The following CAMK1D variants were observed in gnomAD, a reference collection of about 807,000 sequenced individuals.
The protein encoded by CAMK1D is calcium/calmodulin dependent protein kinase ID.
A neutral mutation model predicts 47.7 loss-of-function variants in CAMK1D; 9 were observed. The ratio of observed to expected loss-of-function variants is 0.19; its 90% CI spans 0.11 to 0.33. The LOEUF is 0.33. CAMK1D is among the 10% of genes least tolerant of loss of function. CAMK1D has a pLI of 1.00. For synonymous variants in CAMK1D, 184 were observed against 184.9 expected (o/e 0.99, Z 0.04); for missense variants, 291 against 488.7 (o/e 0.60, Z 3.81).
intron 1 of CAMK1D, among the ~76,000 whole-genome samples, chr10:12,459,236 A>G (rs1382621632): frequency 3.3e-5 from 5 of 152,152 alleles, no homozygotes; most frequent in Non-Finnish European, 5.9e-5. Context: ...AATAAAAAAA[A>G]CCACGTTATG....
At chr10:12,783,148 G>A (rs1189319958) in intron 5 of CAMK1D, among the ~76,000 whole-genome samples, 6 of 151,932 alleles carry the variant, frequency 3.9e-5, no homozygotes, top group East Asian at 3.9e-4. Context: ...ATGCACCACC[G>A]CGCCTGGCTA....
chr10:12,784,824 A>C (rs535640198), intron 5 of CAMK1D, among the ~76,000 whole-genome samples: 1 of 152,312 alleles, frequency 6.6e-6, no homozygotes, highest in East Asian at 1.9e-4. Flanking sequence ...CACAGAAATA[A>C]TGGTGTGTGG....
intron 2 of CAMK1D, among the ~76,000 whole-genome samples, chr10:12,574,315 T>C (rs571010112): frequency 3.9e-5 from 6 of 152,048 alleles, no homozygotes; most frequent in African/African-American, 1.2e-4. Context: ...GTCCTTTTTT[T>C]TTTTGAGTTG....
At chr10:12,568,333 TC>T (rs1402070233) in intron 2 of CAMK1D, among the ~76,000 whole-genome samples, 1 of 2,948 alleles carries the variant, frequency 3.4e-4, no homozygotes, top group African/African-American at 1.8e-3. Flanking sequence ...TCCCCACCCC[TC>T]CCCCCTCCTC....
intron 1 of CAMK1D, among the ~76,000 whole-genome samples, chr10:12,452,662 T>A (rs1022295242): frequency 6.6e-6 from 1 of 152,066 alleles, no homozygotes; most frequent in African/African-American, 2.4e-5. Context: ...CTTGACTCAC[T>A]GCAACCTCCG....
chr10:12,522,176 TATATG>T (rs1269371203), intron 1 of CAMK1D, among the ~76,000 whole-genome samples: 5 of 147,104 alleles, frequency 3.4e-5, no homozygotes, highest in East Asian at 2.0e-4. Context: ...TCTTTTGTGT[TATATG>T]ATATATTTCC....
intron 3 of CAMK1D, among the ~76,000 whole-genome samples, chr10:12,700,978 C>T (rs975569520): frequency 6.6e-6 from 1 of 152,166 alleles, no homozygotes; most frequent in Non-Finnish European, 1.5e-5. Context: ...CCTTTCCAGT[C>T]TAAAGGTCAG....
intron 3 of CAMK1D, among the ~76,000 whole-genome samples, chr10:12,667,407 G>A (rs914589762): frequency 2.0e-5 from 3 of 152,182 alleles, no homozygotes; most frequent in Admixed American, 6.5e-5. Context: ...TACCAAAAGA[G>A]GGAAGAAATC....
chr10:12,635,123 A>C (rs1839477734), intron 2 of CAMK1D, among the ~76,000 whole-genome samples: 1 of 152,050 alleles, frequency 6.6e-6, no homozygotes, highest in Non-Finnish European at 1.5e-5. Context: ...GCTGTGGGGA[A>C]CATGAGAGAG....
chr10:12,625,793 A>G (rs2132453167), intron 2 of CAMK1D, among the ~76,000 whole-genome samples: 1 of 152,168 alleles, frequency 6.6e-6, no homozygotes, highest in Admixed American at 6.5e-5. Context: ...AAGTTTTAAA[A>G]GATTCGTGAA....
At chr10:12,753,175 C>T (rs1302104102) in intron 3 of CAMK1D, among the ~76,000 whole-genome samples, 1 of 152,184 alleles carries the variant, frequency 6.6e-6, no homozygotes, top group South Asian at 2.1e-4. Context: ...TCACTTGAAC[C>T]TGGGAGGCAG....
At chr10:12,515,770 C>T (rs971051581) in intron 1 of CAMK1D, among the ~76,000 whole-genome samples, 4 of 151,678 alleles carry the variant, frequency 2.6e-5, no homozygotes, top group African/African-American at 7.3e-5. Context: ...CCACAGCACC[C>T]GGCTAATTTT....
intron 1 of CAMK1D, among the ~76,000 whole-genome samples, chr10:12,496,715 A>C (rs1367814799): frequency 6.6e-6 from 1 of 152,152 alleles, no homozygotes; most frequent in Non-Finnish European, 1.5e-5. Context: ...AATAGCATGT[A>C]TTTATTCATT....
chr10:12,769,121 C>G (rs549733703), intron 4 of CAMK1D, among the ~76,000 whole-genome samples: 2 of 152,284 alleles, frequency 1.3e-5, no homozygotes, highest in East Asian at 1.9e-4. Flanking sequence ...CTTCCAATTC[C>G]AGATTCATTT....
intron 3 of CAMK1D, among the ~76,000 whole-genome samples, chr10:12,712,204 A>G (rs556935355): frequency 3.3e-5 from 5 of 152,334 alleles, no homozygotes; most frequent in African/African-American, 7.2e-5. Context: ...CTCTCCTTCA[A>G]CTGAAGCTCT....
chr10:12,402,932 G>A (rs1839279523), intron 1 of CAMK1D, among the ~76,000 whole-genome samples: 1 of 152,192 alleles, frequency 6.6e-6, no homozygotes, highest in South Asian at 2.1e-4. Context: ...AGAGACCTCA[G>A]CCTGGAGCTC....
chr10:12,553,164 G>A (rs943283174), intron 1 of CAMK1D, 61 bp from the exon 2 acceptor site: 32 of 1,608,186 alleles, frequency 2.0e-5, no homozygotes, highest in Non-Finnish European at 2.6e-5. Context: ...TAGGGTGAAT[G>A]GAGCCATTGT....
At chr10:12,432,782 C>T (rs532539098) in intron 1 of CAMK1D, among the ~76,000 whole-genome samples, 12 of 152,330 alleles carry the variant, frequency 7.9e-5, no homozygotes, top group East Asian at 3.9e-4. Flanking sequence ...CCACCCTTAC[C>T]GTGTCCTTGT....
At chr10:12,455,360 A>G (rs73569436) in intron 1 of CAMK1D, among the ~76,000 whole-genome samples, 2,104 of 152,194 alleles carry the variant, frequency 0.014, 46 homozygotes, top group African/African-American at 0.048. Context: ...TTTTGTAGAG[A>G]CAGGGGTTTT....
Sources: gnomAD v4.1 joint callset for allele counts (sites outside exome capture counted in the v4.1 genomes callset) on GRCh38, gnomAD v4.1.1 for gene constraint, MANE v1.5 for transcripts, NCBI Gene and HGNC (gene_info 2026-07-23, HGNC 2026-07-21) for gene names.